ERBB4: variants seen among roughly 807,000 people sequenced by gnomAD.
The protein encoded by ERBB4 is receptor tyrosine-protein kinase erbB-4.
A neutral mutation model predicts 158.0 loss-of-function variants in ERBB4; 42 were observed. The observed-to-expected ratio is 0.27, with a 90% CI of 0.21 to 0.34. The LOEUF is 0.34. Among genes scored for constraint, ERBB4 ranks in the 10% least tolerant of loss-of-function variants. The pLI is 1.00. For missense variants in ERBB4, 1,333 were observed against 1,624.1 expected (o/e 0.82, Z 3.08); for synonymous variants, 583 against 558.7 (o/e 1.04, Z -0.61).
intron 1 of ERBB4, among the ~76,000 whole-genome samples, chr2:212,336,515 A>G (rs2088448414): frequency 6.6e-6 from 1 of 152,056 alleles, no homozygotes; most frequent in Admixed American, 6.6e-5. Context: ...GATGCCAATG[A>G]TACAATATTG....
chr2:211,705,230 G>C, intron 10 of ERBB4, 88 bp downstream of exon 10: 1 of 906,262 alleles, frequency 1.1e-6, no homozygotes, highest in Non-Finnish European at 1.9e-6. Flanking sequence ...GGGATTACTG[G>C]TGTGAGCCAC....
At chr2:211,754,407 C>T (rs2075235912) in intron 4 of ERBB4, among the ~76,000 whole-genome samples, 7 of 138,042 alleles carry the variant, frequency 5.1e-5, no homozygotes, top group South Asian at 2.3e-4. Flanking sequence ...GCAATAATCC[C>T]TTTTTTTTTT....
chr2:211,490,775 T>C (rs12053361), intron 20 of ERBB4, among the ~76,000 whole-genome samples: 53,556 of 151,890 alleles, frequency 0.35, 10,392 homozygotes, highest in African/African-American at 0.51. Flanking sequence ...CAGCTTTGCA[T>C]CCTAATTGGC....
intron 1 of ERBB4, among the ~76,000 whole-genome samples, chr2:212,533,322 G>C (rs982488337): frequency 2.0e-5 from 3 of 152,244 alleles, no homozygotes; most frequent in South Asian, 4.1e-4. Context: ...CAATATCAAA[G>C]ACTTTAAAGT....
At chr2:212,052,518 T>C (rs182429252) in intron 2 of ERBB4, among the ~76,000 whole-genome samples, 16 of 152,356 alleles carry the variant, frequency 1.1e-4, no homozygotes, top group Admixed American at 3.9e-4. Flanking sequence ...TCTGCTTATA[T>C]GTAAAATAGA....
chr2:211,640,116 A>G (rs2070519877), intron 16 of ERBB4, among the ~76,000 whole-genome samples: 1 of 152,060 alleles, frequency 6.6e-6, no homozygotes, highest in Admixed American at 6.6e-5. Context: ...TTTTTTAACT[A>G]TACTTTAGAT....
chr2:212,211,794 T>C (rs1465705012), intron 1 of ERBB4, among the ~76,000 whole-genome samples: 2 of 151,950 alleles, frequency 1.3e-5, no homozygotes, highest in Non-Finnish European at 2.9e-5. Flanking sequence ...GTGTTCTCAC[T>C]TATGAGTGAG....
chr2:212,101,962 A>C (rs2079097147), intron 2 of ERBB4, among the ~76,000 whole-genome samples: 1 of 151,386 alleles, frequency 6.6e-6, no homozygotes, highest in African/African-American at 2.4e-5. Flanking sequence ...TCACAGTATT[A>C]GTTCCTTTGT....
intron 3 of ERBB4, among the ~76,000 whole-genome samples, chr2:211,893,549 A>C (rs1339284953): frequency 7.0e-6 from 1 of 142,378 alleles, no homozygotes; most frequent in Non-Finnish European, 1.5e-5. Context: ...CAAAAGCCTA[A>C]ATTGACAAAT....
Position 212,215,583 on chromosome 2 carries a change from CTT to C in ERBB4, c.83-90682_83-90681del, listed in dbSNP as rs540972536. On this transcript the variant is annotated intron_variant, in intron 1 of 27. Coordinates refer to ENST00000342788, the MANE Select transcript of ERBB4 (RefSeq NM_005235.3). ...AATTTCAGAAATTCAATTCACAAAACTTAGTTTTTGTGTTTTTATAGTAATTT... is the reference window on the plus strand; with the variant it reads ...AATTTCAGAAATTCAATTCACAAAACAGTTTTTGTGTTTTTATAGTAATTT... Among the ~76,000 whole-genome samples the C allele has an allele frequency of 2.4e-3, 366 of 150,984 alleles. 1 individual carries two copies. Among genetic ancestry groups the C allele is most frequent in the Non-Finnish European group, 3.2e-3 (215 of 67,338 alleles).
At chr2:211,946,206 AAAAT>A (rs1287813660) in intron 3 of ERBB4, among the ~76,000 whole-genome samples, 2 of 152,102 alleles carry the variant, frequency 1.3e-5, no homozygotes, top group Non-Finnish European at 1.5e-5. Context: ...AATCATGTCC[AAAAT>A]AAATAACACA....
intron 4 of ERBB4, 142 bp from the exon 5 acceptor site, chr2:211,750,846 T>C (rs2106209859): frequency 3.9e-6 from 3 of 761,028 alleles, no homozygotes; most frequent in Non-Finnish European, 6.9e-6. Context: ...GCCCATAAAA[T>C]GCCCACTTAA....
At chr2:211,729,980 G>C (rs967569242) in intron 5 of ERBB4, among the ~76,000 whole-genome samples, 2 of 151,894 alleles carry the variant, frequency 1.3e-5, no homozygotes, top group Non-Finnish European at 2.9e-5. Flanking sequence ...CAGTAAACTT[G>C]ACATGGGGAA....
chr2:211,602,813 A>G (rs1234990790), intron 19 of ERBB4, among the ~76,000 whole-genome samples: 1 of 152,200 alleles, frequency 6.6e-6, no homozygotes, highest in Non-Finnish European at 1.5e-5. Context: ...AAAGGATCTA[A>G]TTCAGCTGAG....
chr2:211,541,979 A>G (rs562699033), intron 20 of ERBB4, among the ~76,000 whole-genome samples: 5 of 152,068 alleles, frequency 3.3e-5, no homozygotes, highest in Non-Finnish European at 5.9e-5. Context: ...AAGATGTAAT[A>G]AATAATTAAT....
At chr2:211,914,255 C>CT (rs781398661) in intron 3 of ERBB4, among the ~76,000 whole-genome samples, 44,959 of 144,908 alleles carry the variant, frequency 0.31, 7,213 homozygotes, top group African/African-American at 0.42. Flanking sequence ...ACATATTTTT[C>CT]TTTTTTTTTT....
intron 1 of ERBB4, among the ~76,000 whole-genome samples, chr2:212,268,154 GAA>G (rs2085216645): frequency 6.6e-6 from 1 of 151,892 alleles, no homozygotes; most frequent in African/African-American, 2.4e-5. Context: ...AGGGGGAGCA[GAA>G]AAGTTTGCCT....
intron 3 of ERBB4, among the ~76,000 whole-genome samples, chr2:211,939,765 G>A (rs1170689471): frequency 1.3e-5 from 2 of 151,936 alleles, no homozygotes; most frequent in Admixed American, 6.6e-5. Context: ...GGCTAACATG[G>A]TGAAATCCCA....
At chr2:212,531,338 C>T (rs1443979646) in intron 1 of ERBB4, among the ~76,000 whole-genome samples, 1 of 152,010 alleles carries the variant, frequency 6.6e-6, no homozygotes, top group Non-Finnish European at 1.5e-5. Context: ...GTCAAAAGGC[C>T]CAGAGGTAGC....
Sources: allele counts gnomAD v4.1 joint callset (sites outside exome capture counted in the v4.1 genomes callset), GRCh38; gene constraint gnomAD v4.1.1; transcripts MANE v1.5; gene names NCBI Gene and HGNC (gene_info 2026-07-23, HGNC 2026-07-21).